The following NIN variants were observed in gnomAD, a reference collection of about 807,000 sequenced individuals.
NIN encodes ninein.
A neutral mutation model predicts 257.6 loss-of-function variants in NIN; 137 were observed. That is an observed-to-expected ratio of 0.53 (90% confidence interval 0.46 to 0.61). The LOEUF (loss-of-function observed/expected upper bound fraction) is 0.61. NIN is among the 20% of genes least tolerant of loss of function. The pLI is 0.00. For missense variants in NIN, 2,439 were observed against 2,501.2 expected (o/e 0.98, Z 0.53); for synonymous variants, 918 against 919.8 (o/e 1.00, Z 0.04).
chr14:50,769,490 G>A (rs755009628), intron 12 of NIN, among the ~76,000 whole-genome samples: 29 of 151,520 alleles, frequency 1.9e-4, no homozygotes, highest in Non-Finnish European at 3.8e-4. Context: ...ATGAGACCCC[G>A]TTTCTACCAT....
At chr14:50,764,521 C>G (rs1028762169) in intron 14 of NIN, among the ~76,000 whole-genome samples, 2 of 152,150 alleles carry the variant, frequency 1.3e-5, no homozygotes, top group East Asian at 1.9e-4. Context: ...CATACAAAAA[C>G]GTGCGCACAA....
intron 28 of NIN, among the ~76,000 whole-genome samples, chr14:50,732,592 A>G (rs1006748466): frequency 6.6e-6 from 1 of 152,234 alleles, no homozygotes; most frequent in African/African-American, 2.4e-5. Flanking sequence ...TAAAATGGCA[A>G]ATTCTATGTT....
intron 3 of NIN, among the ~76,000 whole-genome samples, chr14:50,811,203 G>A (rs2044584220): frequency 6.6e-6 from 1 of 150,960 alleles, no homozygotes; most frequent in East Asian, 2.0e-4. Flanking sequence ...CCACCTCCCG[G>A]GTTCAAGCAA....
chr14:50,798,045 A>C (rs2142084683), intron 4 of NIN, among the ~76,000 whole-genome samples: 1 of 152,226 alleles, frequency 6.6e-6, no homozygotes, highest in South Asian at 2.1e-4. Context: ...TTAAACATTA[A>C]AAAGGCATCA....
chr14:50,757,227 ATT>A lies in NIN; in HGVS notation c.3801_3802del (p.Arg1267SerfsTer8). The stretch of plus-strand genomic sequence containing the variant: ...TGCCTCATCGTAGCGTGTCTCCATC[ATT>A]CTCAGCTCTTCCTGAAGGCAGTCAT... On this transcript the variant is annotated frameshift_variant, in exon 18 of 31. Coordinates refer to ENST00000530997, the MANE Select transcript of NIN (RefSeq NM_020921.4). LOFTEE classifies it high-confidence loss of function. 6.2e-7 allele frequency: 1 copy of A among 1,614,110 alleles called. No individual in the cohort carries two copies.
At chr14:50,735,731 C>A in intron 27 of NIN, 114 bp from the exon 28 acceptor site, 2 of 1,311,546 alleles carry the variant, frequency 1.5e-6, no homozygotes, top group Non-Finnish European at 2.0e-6. Flanking sequence ...GGAAGAAAGC[C>A]AAGTTAATTC....
At chr14:50,766,463 G>A in intron 13 of NIN, 67 bp from the exon 14 acceptor site, 1 of 1,400,070 alleles carries the variant, frequency 7.1e-7, no homozygotes, top group South Asian at 1.2e-5. Flanking sequence ...ACACAGCAAA[G>A]GCCCAGTTTC....
chr14:50,737,752 C>G (rs531541437), intron 27 of NIN, among the ~76,000 whole-genome samples: 1 of 150,554 alleles, frequency 6.6e-6, no homozygotes, highest in Admixed American at 6.7e-5. Context: ...TCCAGCAATT[C>G]TCCTGCCTCA....
At chr14:50,827,000 C>T (rs971839913) in intron 2 of NIN, among the ~76,000 whole-genome samples, 2 of 152,148 alleles carry the variant, frequency 1.3e-5, no homozygotes, top group Non-Finnish European at 2.9e-5. Context: ...TGATGAACAC[C>T]GACAAACCCC....
intron 29 of NIN, chr14:50,727,591 ATATCT>A (rs764622573): frequency 2.4e-4 from 327 of 1,383,866 alleles, no homozygotes; most frequent in Middle Eastern, 9.4e-4. Flanking sequence ...TAATTCCAAC[ATATCT>A]TAGCTTATGT....
At chr14:50,806,879 C>T in intron 3 of NIN, 61 bp from the exon 4 acceptor site, 2 of 775,040 alleles carry the variant, frequency 2.6e-6, no homozygotes, top group Non-Finnish European at 4.2e-6. Flanking sequence ...GCAAACCTAT[C>T]TACAAGGTAC....
At chr14:50,755,176 C>A (rs1476353371) in intron 18 of NIN, among the ~76,000 whole-genome samples, 4 of 152,150 alleles carry the variant, frequency 2.6e-5, no homozygotes, top group African/African-American at 9.7e-5. Flanking sequence ...CTGCTTTGAG[C>A]AAATGTCTTC....
Position 50,770,835 on chromosome 14 carries a change from C to CA in NIN, c.1259+16dup. The CA allele has an allele frequency of 1.2e-6, 2 of 1,608,070 alleles. No individual in the cohort carries two copies. The highest frequency in any genetic ancestry group is 2.2e-5 in the South Asian group (2 of 90,286). ...CAGGGTGGTGGGTGAGGAGGAGCCT[C>CA]ACTCTGCTGGCCTCACCTGAGGTTG... On this transcript the variant is annotated intron_variant, in intron 11 of 30. Coordinates refer to ENST00000530997, the MANE Select transcript of NIN (RefSeq NM_020921.4).
intron 28 of NIN, among the ~76,000 whole-genome samples, chr14:50,733,905 TAAATC>T (rs1488599697): frequency 1.3e-5 from 2 of 152,198 alleles, no homozygotes; most frequent in Non-Finnish European, 2.9e-5. Context: ...CTTTAGTTGA[TAAATC>T]AGAGAACACA....
rs777238394 is a variant in NIN, at chr14:50,754,882, T to C, written c.4539-15A>G. The C allele has an allele frequency of 1.7e-5, 26 of 1,530,346 alleles. No homozygotes were observed. Among genetic ancestry groups the C allele is most frequent in the Non-Finnish European group, 2.3e-5 (26 of 1,140,470 alleles). 94.8% of individuals were successfully genotyped at this position (1,530,346 alleles called of 1,614,324 possible). A position where few individuals can be genotyped will look rare whatever the true frequency, so the allele number is the denominator to read the frequency against. ...CAGATTCATATCTGAAGCACAGAGA[T>C]TGAAAAAAATTGTTACAAGGCAGTC... On this transcript the variant is annotated splice_polypyrimidine_tract_variant and intron_variant, in intron 18 of 30. Transcript: ENST00000530997.
At chr14:50,776,746 G>A (rs373284309) in intron 7 of NIN, among the ~76,000 whole-genome samples, 35 of 152,218 alleles carry the variant, frequency 2.3e-4, no homozygotes, top group African/African-American at 8.2e-4. Context: ...ACAATAGCTG[G>A]GTAAGTGTCA....
Position 50,770,419 on chromosome 14 carries a change from T to C in NIN, c.1403A>G (p.Tyr468Cys), listed in dbSNP as rs2042683507. The C allele has an allele frequency of 1.2e-6, 2 of 1,614,220 alleles. No individual in the cohort carries two copies. Among genetic ancestry groups the C allele is most frequent in the Non-Finnish European group, 1.7e-6 (2 of 1,180,046 alleles). ...AGAGAGGGCAAGGCGGTCCCGGATA[T>C]AGTTCTCTTCTGTTTTTGCCTTTTC... is the stretch of plus-strand genomic sequence containing the variant. ...EIEKAKTEENYIRDRLALSLK... is the reference protein window; with the variant it reads ...EIEKAKTEENCIRDRLALSLK... The change falls in exon 12 of 31, where the codon TAT becomes TGT. Residue 468 changes from tyrosine (Y) to cysteine (C), a missense_variant. By Grantham distance (194) the Tyr-to-Cys change is radical. Transcript: ENST00000530997.
At position 50,726,029 on chromosome 14, in the gene NIN, C is replaced by T. The variant is rs774918630; in HGVS notation, c.6116G>A (p.Arg2039Gln). ...QEQLVTVMEE[R>Q]MIEVEQKLKL... is the part of the protein sequence containing the mutation. ...CAGTTTCTGTTCAACTTCTATCATT[C>T]GTTCCTCCATGACAGTTACCAGTTG... is the stretch of plus-strand genomic sequence containing the variant. The change falls in exon 30 of 31, where the codon CGA (arginine) becomes CAA (glutamine). Residue 2039 changes from arginine (R) to glutamine (Q), a missense_variant. Physicochemically the swap from Arg to Gln is conservative, Grantham distance 43. Transcript: ENST00000530997. 9 of 1,613,856 alleles carry T rather than the reference C, an allele frequency of 5.6e-6. No individual in the cohort carries two copies. Among genetic ancestry groups the T allele is most frequent in the Middle Eastern group, 1.6e-4 (1 of 6,082 alleles).
intron 4 of NIN, among the ~76,000 whole-genome samples, chr14:50,805,101 C>T (rs918263827): frequency 2.6e-5 from 4 of 152,136 alleles, no homozygotes; most frequent in South Asian, 2.1e-4. Context: ...GCGGCAGGAC[C>T]GCCTGTTCCA....
Sources: gnomAD v4.1 joint callset for allele counts (sites outside exome capture counted in the v4.1 genomes callset) on GRCh38, gnomAD v4.1.1 for gene constraint, MANE v1.5 for transcripts, NCBI Gene and HGNC (gene_info 2026-07-23, HGNC 2026-07-21) for gene names.